Variants in HNRNPLL observed in about 807,000 individuals in gnomAD.
HNRNPLL encodes the protein heterogeneous nuclear ribonucleoprotein L like, also known as heterogeneous nuclear ribonucleoprotein L-like.
HNRNPLL carries 25 observed loss-of-function variants against 67.1 expected under a neutral mutation model. That is an observed-to-expected ratio of 0.37 (90% CI 0.27 to 0.52). HNRNPLL has a LOEUF of 0.52. Among genes scored for constraint, HNRNPLL ranks in the 20% least tolerant of loss-of-function variants. The pLI is 0.90. For synonymous variants in HNRNPLL, 267 were observed against 241.7 expected (o/e 1.10, Z -0.97); for missense variants, 542 against 673.9 (o/e 0.80, Z 2.17).
At chr2:38,596,472 G>A (rs1667197519) in intron 1 of HNRNPLL, among the ~76,000 whole-genome samples, 1 of 152,058 alleles carries the variant, frequency 6.6e-6, no homozygotes, top group South Asian at 2.1e-4. Context: ...TTGCCAGGCT[G>A]GTCTTGAATT....
At chr2:38,585,194 A>C (rs1476129871) in intron 3 of HNRNPLL, among the ~76,000 whole-genome samples, 3 of 152,232 alleles carry the variant, frequency 2.0e-5, no homozygotes, top group Non-Finnish European at 4.4e-5. Flanking sequence ...AAAAGAGTAA[A>C]GAAGCAGGGA....
At chr2:38,566,900 GA>G (rs984344805) in intron 12 of HNRNPLL, among the ~76,000 whole-genome samples, 1 of 149,880 alleles carries the variant, frequency 6.7e-6, no homozygotes, top group Admixed American at 6.6e-5. Context: ...TACAATAACA[GA>G]AAAAAACAAA....
rs1667512599 is a variant in HNRNPLL at position 38,602,878 on chromosome 2, C to T, written c.-252G>A. On this transcript the variant is annotated 5_prime_UTR_variant, in exon 1 of 13. Coordinates refer to ENST00000449105, the MANE Select transcript of HNRNPLL (RefSeq NM_138394.4). ...TTACCGAGCCAACATTCAGCCTCTC[C>T]CTCCTCCTCCTCCGTCTCCGCTCCC... The T allele has an allele frequency of 3.3e-6, 5 of 1,532,562 alleles. No homozygotes were observed. In the Admixed American group the frequency reaches 6.0e-5, roughly 18 times the overall value. The allele number at this position is 1,532,562 out of a possible 1,614,324, so 94.9% of individuals were successfully genotyped here.
chr2:38,582,715 T>A (rs1666581351), intron 4 of HNRNPLL, among the ~76,000 whole-genome samples: 1 of 151,602 alleles, frequency 6.6e-6, no homozygotes, highest in African/African-American at 2.4e-5. Flanking sequence ...AGCTCAGGAG[T>A]TCGAGACCAG....
In HNRNPLL at chr2:38,573,198, A is replaced by G. The variant is rs1178552785; in HGVS notation, c.1092+12T>C. 3 of 1,557,184 alleles carry G rather than the reference A, an allele frequency of 1.9e-6. No homozygotes were observed. The African/African-American group carries it at 4.1e-5, about 21-fold the overall frequency. ...ATCCTAGCAAAAGAAACCAATATAA[A>G]GAGAAACTTACCTTCTCAATATTTC... On this transcript the variant is annotated intron_variant, in intron 8 of 12. Coordinates refer to ENST00000449105, the MANE Select transcript of HNRNPLL (RefSeq NM_138394.4).
chr2:38,583,161 G>C (rs1433255474), intron 4 of HNRNPLL, among the ~76,000 whole-genome samples: 3 of 151,986 alleles, frequency 2.0e-5, no homozygotes, highest in African/African-American at 4.8e-5. Context: ...AATTTTATCA[G>C]TTTTTAAAAA....
At chr2:38,601,740 A>C (rs967041052) in intron 1 of HNRNPLL, 1 of 152,188 alleles carries the variant, frequency 6.6e-6, no homozygotes, top group Non-Finnish European at 1.5e-5. Flanking sequence ...TAGTAATTTT[A>C]AGATTTGTTT....
chr2:38,589,252 C>T (rs1392734895), intron 2 of HNRNPLL, among the ~76,000 whole-genome samples: 1 of 152,168 alleles, frequency 6.6e-6, no homozygotes, highest in Non-Finnish European at 1.5e-5. Flanking sequence ...AGCTTCTTAC[C>T]TATGCATCTA....
At chr2:38,602,411 G>A in intron 1 of HNRNPLL, 27 bp downstream of exon 1, 2 of 1,546,214 alleles carry the variant, frequency 1.3e-6, no homozygotes, top group South Asian at 2.4e-5. Flanking sequence ...GCCAGGCACA[G>A]CGGACAGGGG....
Position 38,564,242 on chromosome 2 carries a change from A to C in HNRNPLL, c.1574-5T>G. 1 of 1,506,880 alleles carries C rather than the reference A, an allele frequency of 6.6e-7. No individual in the cohort carries two copies. Among genetic ancestry groups the C allele is most frequent in the East Asian group, 2.3e-5 (1 of 44,106 alleles). 93.3% of individuals were successfully genotyped at this position (1,506,880 alleles called of 1,614,324 possible). A position where few individuals can be genotyped will look rare whatever the true frequency, so the allele number is the denominator to read the frequency against. ...ATGTATAGGGATTGGAACCATCTGT[A>C]AAAAGTAAAAAACAGTTAATATTTC... On this transcript the variant is annotated splice_region_variant and splice_polypyrimidine_tract_variant and intron_variant, in intron 12 of 12. Transcript: ENST00000449105.
intron 1 of HNRNPLL, among the ~76,000 whole-genome samples, chr2:38,599,205 CA>C (rs1256092605): frequency 2.6e-5 from 4 of 152,218 alleles, no homozygotes. Flanking sequence ...TGCCATCTTT[CA>C]CGTCTATTTA....
chr2:38,565,594 G>A (rs1334809807), intron 12 of HNRNPLL, among the ~76,000 whole-genome samples: 1 of 151,870 alleles, frequency 6.6e-6, no homozygotes, highest in Non-Finnish European at 1.5e-5. Context: ...TGGATGTGGT[G>A]TTGCACTCCT....
At chr2:38,579,167 T>C (rs1408089633) in intron 6 of HNRNPLL, among the ~76,000 whole-genome samples, 2 of 152,132 alleles carry the variant, frequency 1.3e-5, no homozygotes, top group Non-Finnish European at 2.9e-5. Flanking sequence ...GAGAACTGGG[T>C]TGGGAATCAG....
At chr2:38,595,815 G>A (rs970672961) in intron 1 of HNRNPLL, among the ~76,000 whole-genome samples, 6 of 152,158 alleles carry the variant, frequency 3.9e-5, no homozygotes, top group Non-Finnish European at 8.8e-5. Flanking sequence ...CTGCACTCCA[G>A]CCTGGGCGAC....
chr2:38,592,683 A>C (rs1667011692), intron 1 of HNRNPLL, among the ~76,000 whole-genome samples: 2 of 152,238 alleles, frequency 1.3e-5, no homozygotes, highest in African/African-American at 4.8e-5. Context: ...TGAAAATGCA[A>C]ATAGCTTTCA....
intron 12 of HNRNPLL, among the ~76,000 whole-genome samples, chr2:38,566,728 A>T (rs1665875426): frequency 6.6e-6 from 1 of 151,964 alleles, no homozygotes; most frequent in African/African-American, 2.4e-5. Flanking sequence ...TCACGTCTGT[A>T]ATCCTAGCAC....
intron 1 of HNRNPLL, among the ~76,000 whole-genome samples, chr2:38,595,272 TAAAAA>T: frequency 1.5e-5 from 1 of 68,776 alleles, no homozygotes; most frequent in East Asian, 4.1e-4. Context: ...AGACCTTGTC[TAAAAA>T]AAAAAAAAAA....
At chr2:38,591,053 A>G (rs1353653655) in intron 2 of HNRNPLL, among the ~76,000 whole-genome samples, 1 of 152,204 alleles carries the variant, frequency 6.6e-6, no homozygotes, top group Non-Finnish European at 1.5e-5. Context: ...AAGAACTCAC[A>G]GCAATATGCA....
chr2:38,586,079 T>G (rs563935367), intron 2 of HNRNPLL, among the ~76,000 whole-genome samples, 198 bp from the exon 3 acceptor site: 39 of 152,016 alleles, frequency 2.6e-4, no homozygotes, highest in Admixed American at 2.2e-3. Context: ...TGGAGTGCAG[T>G]GGCGCAATCT....
Sources: gnomAD v4.1 joint callset for allele counts (sites outside exome capture counted in the v4.1 genomes callset) on GRCh38, gnomAD v4.1.1 for gene constraint, MANE v1.5 for transcripts, NCBI Gene and HGNC (gene_info 2026-07-23, HGNC 2026-07-21) for gene names.